CNTN4: variants seen among roughly 807,000 people sequenced by gnomAD.
CNTN4 encodes the protein contactin 4.
CNTN4 carries 77 observed loss-of-function variants against 122.5 expected under a neutral mutation model. The ratio of observed to expected loss-of-function variants is 0.63; its 90% confidence interval spans 0.52 to 0.76. The LOEUF (loss-of-function observed/expected upper bound fraction) is 0.76. Among genes scored for constraint, CNTN4 ranks in the 30% least tolerant of loss-of-function variants. The pLI is 0.00. For missense variants in CNTN4, 1,256 were observed against 1,259.1 expected (o/e 1.00, Z 0.04); for synonymous variants, 512 against 447.0 (o/e 1.15, Z -1.83).
chr3:2,919,665 A>G (rs980186757), intron 12 of CNTN4, among the ~76,000 whole-genome samples: 1 of 152,182 alleles, frequency 6.6e-6, no homozygotes, highest in Non-Finnish European at 1.5e-5. Flanking sequence ...TTGAGTTTGT[A>G]TAAGAGTTTA....
At chr3:2,391,334 C>T (rs1028844571) in intron 3 of CNTN4, among the ~76,000 whole-genome samples, 7 of 152,280 alleles carry the variant, frequency 4.6e-5, no homozygotes, top group East Asian at 1.9e-4. Context: ...ATTAAATCCA[C>T]GCAAGCCCCT....
At chr3:2,610,666 C>G (rs899776407) in intron 4 of CNTN4, among the ~76,000 whole-genome samples, 1 of 152,040 alleles carries the variant, frequency 6.6e-6, no homozygotes, top group Non-Finnish European at 1.5e-5. Context: ...GAGAACAGAC[C>G]ATGGAAATGT....
Position 2,571,436 on chromosome 3 carries a change from TAAAA to T in CNTN4, c.-67_-64del. On this transcript the variant is annotated 5_prime_UTR_variant, in exon 4 of 25. Coordinates refer to ENST00000418658, the MANE Select transcript of CNTN4 (RefSeq NM_175607.3). ...CACAGATTAAAGGTTATACAAAACT[TAAAA>T]GAAGCAGCAATTCTATTCGCTTGTT... 8.9e-7 allele frequency: 1 copy of T among 1,126,106 alleles called. No homozygotes were observed. The highest frequency in any genetic ancestry group is 1.4e-6 in the Non-Finnish European group (1 of 735,008). 69.8% of individuals were successfully genotyped at this position (1,126,106 alleles called of 1,614,324 possible).
chr3:2,824,950 A>G (rs1401641729), intron 7 of CNTN4, among the ~76,000 whole-genome samples: 1 of 152,206 alleles, frequency 6.6e-6, no homozygotes, highest in Non-Finnish European at 1.5e-5. Flanking sequence ...GGCGTGAGCC[A>G]CTGCACTGGC....
At chr3:3,043,451 G>A (rs1465395919) in intron 22 of CNTN4, 141 bp from the exon 23 acceptor site, 1 of 749,732 alleles carries the variant, frequency 1.3e-6, no homozygotes, top group Admixed American at 2.0e-5. Context: ...TATCTCATCA[G>A]ATTTTAGTGA....
chr3:3,043,562 G>A (rs1252816241), intron 22 of CNTN4, 30 bp from the exon 23 acceptor site: 1 of 1,502,488 alleles, frequency 6.7e-7, no homozygotes, highest in African/African-American at 1.4e-5. Context: ...TTAATAATCT[G>A]TGACTTCGTA....
At chr3:2,595,834 G>T (rs1010782050) in intron 4 of CNTN4, among the ~76,000 whole-genome samples, 3 of 152,108 alleles carry the variant, frequency 2.0e-5, no homozygotes, top group African/African-American at 7.2e-5. Context: ...CAAACACGCA[G>T]GTATAAAAAT....
chr3:3,027,126 T>C (rs1459344553), intron 15 of CNTN4, among the ~76,000 whole-genome samples: 2 of 152,164 alleles, frequency 1.3e-5, no homozygotes, highest in South Asian at 2.1e-4. Flanking sequence ...AAGTCATCCA[T>C]GTGATATAGT....
At chr3:2,261,401 C>T (rs952679082) in intron 2 of CNTN4, among the ~76,000 whole-genome samples, 1 of 152,122 alleles carries the variant, frequency 6.6e-6, no homozygotes, top group African/African-American at 2.4e-5. Context: ...TGCATGTGCT[C>T]TTATTGTCCA....
chr3:2,705,760 AATAT>A (rs1170106794), intron 4 of CNTN4, among the ~76,000 whole-genome samples: 1 of 103,340 alleles, frequency 9.7e-6, no homozygotes, highest in Admixed American at 1.5e-4. Context: ...TATAATATAT[AATAT>A]ATATTTATTA....
chr3:2,256,560 G>A (rs75089336), intron 2 of CNTN4, among the ~76,000 whole-genome samples: 2 of 152,192 alleles, frequency 1.3e-5, no homozygotes, highest in African/African-American at 2.4e-5. Flanking sequence ...CTGGCAAACC[G>A]AATCCAGCAG....
chr3:2,622,782 A>T (rs188766597), intron 4 of CNTN4, among the ~76,000 whole-genome samples: 8 of 152,328 alleles, frequency 5.3e-5, no homozygotes. Flanking sequence ...AGTAATGGAA[A>T]CTCAGATAAG....
intron 6 of CNTN4, among the ~76,000 whole-genome samples, chr3:2,795,768 C>T (rs2092157119): frequency 6.6e-6 from 1 of 152,018 alleles, no homozygotes; most frequent in Admixed American, 6.6e-5. Flanking sequence ...GATCCACCCG[C>T]CTCAGCCTCC....
At chr3:2,324,480 T>A (rs2043382773) in intron 2 of CNTN4, among the ~76,000 whole-genome samples, 1 of 152,150 alleles carries the variant, frequency 6.6e-6, no homozygotes, top group Non-Finnish European at 1.5e-5. Flanking sequence ...TCTGACTGTT[T>A]TATCTAAAAA....
chr3:2,983,213 CAAAAAAAAAAAAAAAAAAAAAAA>C (rs57079892), intron 13 of CNTN4, among the ~76,000 whole-genome samples: 19 of 18,990 alleles, frequency 1.0e-3, no homozygotes, highest in Non-Finnish European at 1.6e-3. Context: ...GACTCCATCT[CAAAAAAAAAAAAAAAAAAAAAAA>C]AAAAAAAAAA....
chr3:2,210,990 C>A (rs891260830), intron 2 of CNTN4, among the ~76,000 whole-genome samples: 3 of 152,126 alleles, frequency 2.0e-5, no homozygotes, highest in Admixed American at 2.0e-4. Flanking sequence ...GTGTATTAGG[C>A]CATTTTTGCA....
intron 3 of CNTN4, among the ~76,000 whole-genome samples, chr3:2,531,362 G>A (rs186818638): frequency 9.9e-5 from 15 of 152,264 alleles, no homozygotes; most frequent in Admixed American, 9.8e-4. Flanking sequence ...CTCAGGGATA[G>A]TCAGGACTCT....
chr3:2,198,634 TA>T (rs2037955390), intron 2 of CNTN4, among the ~76,000 whole-genome samples: 1 of 152,128 alleles, frequency 6.6e-6, no homozygotes, highest in South Asian at 2.1e-4. Flanking sequence ...AAAGAGAGTA[TA>T]AAAAAATAAA....
At chr3:3,043,827 A>G in intron 23 of CNTN4, 123 bp downstream of exon 23, 1 of 729,430 alleles carries the variant, frequency 1.4e-6, no homozygotes, top group South Asian at 1.5e-5. Flanking sequence ...CCCTCTAGGA[A>G]TCGCTGCCTC....
Sources: gnomAD v4.1 joint callset for allele counts (sites outside exome capture counted in the v4.1 genomes callset) on GRCh38, gnomAD v4.1.1 for gene constraint, MANE v1.5 for transcripts, NCBI Gene and HGNC (gene_info 2026-07-23, HGNC 2026-07-21) for gene names.